Variants in PAG1 observed in about 807,000 individuals in gnomAD.
The protein encoded by PAG1 is phosphoprotein membrane anchor with glycosphingolipid microdomains 1, also known as phosphoprotein associated with glycosphingolipid-enriched microdomains 1.
PAG1 carries 23 observed loss-of-function variants against 31.7 expected under a neutral mutation model. The ratio of observed to expected loss-of-function variants is 0.73; its 90% CI spans 0.52 to 1.03. The LOEUF is 1.03. Among genes scored for constraint, PAG1 ranks in the 50% least tolerant of loss-of-function variants. The probability of loss-of-function intolerance (pLI) is 0.00; values close to 1 mark genes in which losing one functional copy is unlikely to be tolerated. For synonymous variants in PAG1, 214 were observed against 210.3 expected, an observed-to-expected ratio of 1.02 and a Z score of -0.15; for missense variants, 473 against 540.7, an observed-to-expected ratio of 0.87 and a Z score of 1.24.
At chr8:81,041,143 G>A (rs1808547793) in intron 2 of PAG1, among the ~76,000 whole-genome samples, 1 of 152,174 alleles carries the variant, frequency 6.6e-6, no homozygotes, top group African/African-American at 2.4e-5. Context: ...AATCTTAACT[G>A]TGAGAGCGAG....
At chr8:81,092,550 C>A (rs970703164) in intron 1 of PAG1, among the ~76,000 whole-genome samples, 1 of 152,228 alleles carries the variant, frequency 6.6e-6, no homozygotes, top group African/African-American at 2.4e-5. Flanking sequence ...AACTAACCAT[C>A]AAATGTTGAT....
rs576378803 is a variant in PAG1 at position 80,998,336 on chromosome 8, G to A, written c.-80-5029C>T. Among the ~76,000 whole-genome samples, 4 of 151,936 alleles carry A rather than the reference G, an allele frequency of 2.6e-5. No individual in the cohort carries two copies. In the East Asian group the frequency reaches 7.7e-4, roughly 29 times the overall value. ...GTAGAGACGGGGTTTCACCATGTTGGCCAGGATGGTCTCCACCTCTTGACT... is the reference window on the plus strand; with the variant it reads ...GTAGAGACGGGGTTTCACCATGTTGACCAGGATGGTCTCCACCTCTTGACT... On this transcript the variant is annotated intron_variant, in intron 3 of 8. Coordinates refer to ENST00000220597, the MANE Select transcript of PAG1 (RefSeq NM_018440.4).
intron 4 of PAG1, among the ~76,000 whole-genome samples, chr8:80,992,172 G>A (rs1430422649): frequency 6.6e-6 from 1 of 152,182 alleles, no homozygotes; most frequent in Non-Finnish European, 1.5e-5. Flanking sequence ...GCCCCGGGAA[G>A]CCCCGGCCCT....
At chr8:81,013,386 G>A (rs1049181035) in intron 3 of PAG1, among the ~76,000 whole-genome samples, 4 of 152,028 alleles carry the variant, frequency 2.6e-5, no homozygotes, top group African/African-American at 9.7e-5. Context: ...CTCTGCCTGG[G>A]TGTCCCCCAG....
intron 2 of PAG1, among the ~76,000 whole-genome samples, chr8:81,049,697 C>T (rs982537393): frequency 3.3e-5 from 5 of 152,306 alleles, no homozygotes; most frequent in Middle Eastern, 3.4e-3. Context: ...CCTTATATCA[C>T]CATTTTCCAG....
intron 3 of PAG1, among the ~76,000 whole-genome samples, chr8:80,995,636 T>A (rs1453336820): frequency 6.6e-6 from 1 of 152,262 alleles, no homozygotes. Flanking sequence ...TGTGCAGGCA[T>A]CTGTTTGTTC....
chr8:81,062,362 T>C (rs1465016395), intron 2 of PAG1, among the ~76,000 whole-genome samples: 1 of 152,272 alleles, frequency 6.6e-6, no homozygotes, highest in East Asian at 1.9e-4. Flanking sequence ...CTTAATGGTA[T>C]ATATCCATTT....
chr8:81,016,777 G>A (rs1313959504), intron 3 of PAG1, among the ~76,000 whole-genome samples: 1 of 152,090 alleles, frequency 6.6e-6, no homozygotes, highest in African/African-American at 2.4e-5. Context: ...GTCTAGACTG[G>A]GCTTGTGACT....
chr8:80,991,745 C>T (rs1234368299), intron 4 of PAG1, among the ~76,000 whole-genome samples: 2 of 152,098 alleles, frequency 1.3e-5, no homozygotes, highest in African/African-American at 4.8e-5. Flanking sequence ...GGACTGTCCA[C>T]CTCCCCTGGC....
intron 1 of PAG1, among the ~76,000 whole-genome samples, chr8:81,083,337 T>C (rs1809299328): frequency 6.6e-6 from 1 of 151,172 alleles, no homozygotes; most frequent in Admixed American, 6.6e-5. Flanking sequence ...TTGGGGAGGG[T>C]AGAAACCCAG....
At chr8:80,991,173 T>A (rs1807538827) in intron 5 of PAG1, among the ~76,000 whole-genome samples, 1 of 152,200 alleles carries the variant, frequency 6.6e-6, no homozygotes, top group Admixed American at 6.5e-5. Flanking sequence ...ATTTTTGGAT[T>A]TCTGGCCTCT....
chr8:81,019,784 T>C (rs986201098), intron 3 of PAG1, among the ~76,000 whole-genome samples: 2 of 152,172 alleles, frequency 1.3e-5, no homozygotes, highest in African/African-American at 4.8e-5. Flanking sequence ...GGGCACTGCC[T>C]AGTACAGCCA....
intron 2 of PAG1, among the ~76,000 whole-genome samples, chr8:81,059,772 T>A (rs547944920): frequency 6.6e-6 from 1 of 152,238 alleles, no homozygotes; most frequent in East Asian, 1.9e-4. Context: ...ATGCCTGTAA[T>A]CCCAGCACTT....
intron 3 of PAG1, among the ~76,000 whole-genome samples, chr8:81,026,544 C>T (rs935528773): frequency 5.3e-5 from 8 of 151,140 alleles, no homozygotes; most frequent in Admixed American, 1.3e-4. Flanking sequence ...GGTGCCCACA[C>T]TAACTTAGCT....
At chr8:81,032,785 C>T (rs1173290918) in intron 2 of PAG1, among the ~76,000 whole-genome samples, 3 of 152,198 alleles carry the variant, frequency 2.0e-5, no homozygotes, top group Non-Finnish European at 4.4e-5. Context: ...TTCACAGAAG[C>T]ATTACTTGTA....
At chr8:81,109,323 A>T (rs1475709026) in intron 1 of PAG1, among the ~76,000 whole-genome samples, 1 of 152,214 alleles carries the variant, frequency 6.6e-6, no homozygotes, top group African/African-American at 2.4e-5. Context: ...TTCATTTGCA[A>T]GTTGAGGCAG....
chr8:81,109,564 T>C (rs556735608), intron 1 of PAG1, among the ~76,000 whole-genome samples: 1 of 152,358 alleles, frequency 6.6e-6, no homozygotes, highest in Admixed American at 6.5e-5. Flanking sequence ...TCTCCTATTA[T>C]ACACATGAAC....
intron 3 of PAG1, among the ~76,000 whole-genome samples, chr8:81,020,638 T>C (rs1418936442): frequency 1.3e-5 from 2 of 152,300 alleles, no homozygotes; most frequent in East Asian, 3.9e-4. Flanking sequence ...CTTTCCTTTA[T>C]AAATTACCCA....
intron 6 of PAG1, 58 bp from the exon 7 acceptor site, chr8:80,985,435 G>A (rs1415546062): frequency 1.5e-5 from 23 of 1,510,654 alleles, no homozygotes; most frequent in Admixed American, 8.4e-5. Context: ...AATTATTACC[G>A]AGAATCAGGT....
Sources: gnomAD v4.1 joint callset for allele counts (sites outside exome capture counted in the v4.1 genomes callset) on GRCh38, gnomAD v4.1.1 for gene constraint, MANE v1.5 for transcripts, NCBI Gene and HGNC (gene_info 2026-07-23, HGNC 2026-07-21) for gene names.